ASXL1: variants seen among roughly 807,000 people sequenced by gnomAD.
The protein encoded by ASXL1 is ASXL transcriptional regulator 1.
Under a neutral mutation model 89.1 loss-of-function variants are expected in ASXL1, and 65 were observed. The observed-to-expected ratio is 0.73, with a 90% confidence interval of 0.60 to 0.90. ASXL1 has a LOEUF of 0.90. Among genes scored for constraint, ASXL1 ranks in the 40% least tolerant of loss-of-function variants. The pLI is 0.00. For synonymous variants in ASXL1, 739 were observed against 746.9 expected (o/e 0.99, Z 0.17); for missense variants, 1,786 against 1,942.9 (o/e 0.92, Z 1.52).
At chr20:32,365,813 A>G (rs2048194822) in intron 1 of ASXL1, among the ~76,000 whole-genome samples, 1 of 152,174 alleles carries the variant, frequency 6.6e-6, no homozygotes, top group East Asian at 1.9e-4. Context: ...TAACACCACA[A>G]ATTAACAACA....
intron 4 of ASXL1, among the ~76,000 whole-genome samples, chr20:32,387,837 G>A (rs1436631413): frequency 6.6e-6 from 1 of 152,022 alleles, no homozygotes; most frequent in African/African-American, 2.4e-5. Context: ...ATCTCTATTC[G>A]GATATCTAAT....
At position 32,432,938 on chromosome 20, in the gene ASXL1, G is replaced by A. The variant is rs2011568243; in HGVS notation, c.1038G>A (p.Lys346=). Residue 346 remains lysine, a synonymous_variant, in exon 11 of 13, where the codon AAG becomes AAA. Coordinates refer to ENST00000375687, the MANE Select transcript of ASXL1 (RefSeq NM_015338.6). ...RIRQEMEKEK[K]VEQWKEKFFE... ...GACAGGAAATGGAGAAGGAAAAGAA[G>A]GTGGAACAATGGAAAGAAAAGTTCT... 2 of 1,613,866 alleles carry A rather than the reference G, an allele frequency of 1.2e-6. No homozygotes were observed. Among genetic ancestry groups the A allele is most frequent in the South Asian group, 1.1e-5 (1 of 91,062 alleles).
At chr20:32,417,238 A>T (rs1326417574) in intron 4 of ASXL1, among the ~76,000 whole-genome samples, 1 of 152,224 alleles carries the variant, frequency 6.6e-6, no homozygotes, top group Non-Finnish European at 1.5e-5. Flanking sequence ...AATTCTAAAT[A>T]AAAACACATC....
At chr20:32,386,879 C>G (rs1337445852) in intron 4 of ASXL1, among the ~76,000 whole-genome samples, 1 of 151,164 alleles carries the variant, frequency 6.6e-6, no homozygotes, top group Non-Finnish European at 1.5e-5. Context: ...TTTTCTCGCC[C>G]TTTGTGCTAT....
chr20:32,426,416 A>T (rs546287370), intron 4 of ASXL1, among the ~76,000 whole-genome samples: 6 of 152,126 alleles, frequency 3.9e-5, no homozygotes, highest in Non-Finnish European at 8.8e-5. Context: ...GAGAGATTAA[A>T]TTTGTTTTAT....
intron 4 of ASXL1, among the ~76,000 whole-genome samples, chr20:32,424,880 CCCT>C (rs2011228724): frequency 6.6e-6 from 1 of 152,154 alleles, no homozygotes; most frequent in Non-Finnish European, 1.5e-5. Flanking sequence ...AAAGTGAACA[CCCT>C]GTAACTGCCA....
chr20:32,381,671 C>T (rs921646725), intron 4 of ASXL1, among the ~76,000 whole-genome samples: 2 of 151,664 alleles, frequency 1.3e-5, no homozygotes, highest in South Asian at 2.1e-4. Flanking sequence ...CCTGCTACCA[C>T]GCCCGGCTAA....
intron 4 of ASXL1, among the ~76,000 whole-genome samples, chr20:32,381,513 CTTT>C (rs59213941): frequency 6.1e-5 from 8 of 131,392 alleles, no homozygotes; most frequent in African/African-American, 8.7e-5. Context: ...TTACCAAAAT[CTTT>C]TTTTTTTTTT....
Position 32,358,933 on chromosome 20 carries a change from C to T in ASXL1, c.57+101C>T, listed in dbSNP as rs1353880944. On this transcript the variant is annotated intron_variant, in intron 1 of 12. Coordinates refer to ENST00000375687, the MANE Select transcript of ASXL1 (RefSeq NM_015338.6). ...GGGAGGGGCAAGGCCCTGCCCACCG[C>T]GGGAGGGGGCGGGGCCATCTTCCTT... The T allele has an allele frequency of 6.4e-5, 76 of 1,191,674 alleles. No individual in the cohort carries two copies. The South Asian group carries it at 1.2e-3, about 19-fold the overall frequency. 73.8% of individuals were successfully genotyped at this position (1,191,674 alleles called of 1,614,324 possible).
chr20:32,404,748 C>T (rs1471975472), intron 4 of ASXL1, among the ~76,000 whole-genome samples: 1 of 152,110 alleles, frequency 6.6e-6, no homozygotes, highest in Non-Finnish European at 1.5e-5. Context: ...AGTCTTTCAC[C>T]ACTAGTATGA....
intron 4 of ASXL1, among the ~76,000 whole-genome samples, chr20:32,418,969 AT>A (rs1162229916): frequency 6.6e-6 from 1 of 151,368 alleles, no homozygotes; most frequent in Non-Finnish European, 1.5e-5. Context: ...AGTAGCTAGG[AT>A]TACAGGTGCA....
chr20:32,429,470 G>T lies in ASXL1; in HGVS notation c.565+39G>T. On this transcript the variant is annotated intron_variant, in intron 7 of 12. Coordinates refer to ENST00000375687, the MANE Select transcript of ASXL1 (RefSeq NM_015338.6). The surrounding 1 kb of genome is among the most constrained non-coding windows in gnomAD (Gnocchi z 4.9). ...CATGGTTGTGATGCTTTTTCCTCAG[G>T]TCCTGGGGACCTGGCCTCCCTCTGT... is the stretch of plus-strand genomic sequence containing the variant. 1 of 1,598,486 alleles carries T rather than the reference G, an allele frequency of 6.3e-7. No homozygotes were observed. Among genetic ancestry groups the T allele is most frequent in the Non-Finnish European group, 8.6e-7 (1 of 1,166,006 alleles).
chr20:32,367,905 C>T (rs1276695340), intron 3 of ASXL1, among the ~76,000 whole-genome samples, 176 bp downstream of exon 3: 1 of 152,162 alleles, frequency 6.6e-6, no homozygotes, highest in South Asian at 2.1e-4. Flanking sequence ...GCATGCTGTT[C>T]CCCTTGTAGC....
In ASXL1 at chr20:32,434,593, G is replaced by A. The variant is rs778715090; in HGVS notation, c.1881G>A (p.Ala627=). ...IKARALQVRG[A]RGHHCHREAA... is the part of the protein sequence containing the mutation. Reference sequence around the variant, plus strand: ...CCCGTGCTCTGCAGGTCCGAGGGGCGAGAGGTCACCACTGCCATAGAGAGG... The same window carrying A: ...CCCGTGCTCTGCAGGTCCGAGGGGCAAGAGGTCACCACTGCCATAGAGAGG... Residue 627 remains alanine (A), a synonymous_variant, in exon 13 of 13, where the codon GCG becomes GCA. Coordinates refer to ENST00000375687, the MANE Select transcript of ASXL1 (RefSeq NM_015338.6). 8 of 1,613,004 alleles carry A rather than the reference G, an allele frequency of 5.0e-6. No individual in the cohort carries two copies. In the East Asian group the frequency reaches 1.1e-4, roughly 22 times the overall value.
intron 4 of ASXL1, among the ~76,000 whole-genome samples, chr20:32,390,561 C>T (rs369077545): frequency 6.6e-6 from 1 of 152,094 alleles, no homozygotes; most frequent in Non-Finnish European, 1.5e-5. Flanking sequence ...CAGCCTCAAA[C>T]TCCTGGCCTT....
intron 4 of ASXL1, among the ~76,000 whole-genome samples, chr20:32,417,775 G>A (rs2049163361): frequency 6.6e-6 from 1 of 152,014 alleles, no homozygotes; most frequent in East Asian, 1.9e-4. Context: ...GCCAGGTGTG[G>A]TGGCTCACAC....
chr20:32,436,841 C>T lies in ASXL1; in HGVS notation c.4129C>T (p.Pro1377Ser). 6.2e-7 allele frequency: 1 copy of T among 1,614,162 alleles called. No individual in the cohort carries two copies. ...VKNEKTFVGGPLKANAENRKA... is the reference protein window; with the variant it reads ...VKNEKTFVGGSLKANAENRKA... ...GAATGAGAAGACTTTTGTGGGGGGT[C>T]CTCTTAAGGCAAATGCCGAGAACAG... Residue 1377 changes from proline (P) to serine (S), a missense_variant, in exon 13 of 13, where the codon CCT (proline) becomes TCT (serine). Physicochemically the swap from Pro to Ser is moderately conservative, Grantham distance 74. Transcript: ENST00000375687.
intron 4 of ASXL1, among the ~76,000 whole-genome samples, chr20:32,400,974 T>G (rs534203227): frequency 6.6e-6 from 1 of 152,358 alleles, no homozygotes; most frequent in South Asian, 2.1e-4. Context: ...CTGTTGTGCT[T>G]GAAAAGTTTT....
rs560170731 is a variant in ASXL1, at chr20:32,435,764, A to T, written c.3052A>T (p.Thr1018Ser). 1 of 1,614,242 alleles carries T rather than the reference A, an allele frequency of 6.2e-7. No homozygotes were observed. Among genetic ancestry groups the T allele is most frequent in the Non-Finnish European group, 8.5e-7 (1 of 1,180,042 alleles). ...CACGGAGGACAGCAGTGAGGCTGAC[A>T]CTAGAGAAGCTGCAGTGACAAAGGG... ...HLTEDSSEAD[T>S]REAAVTKGSS... Residue 1018 changes from threonine to serine, a missense_variant, in exon 13 of 13, where the codon ACT (threonine) becomes TCT (serine). Thr to Ser is a moderately conservative substitution (Grantham distance 58). This residue lies in a region of ASXL1 where 1,418 missense variants were observed against 1,427.8 expected (regional missense o/e 0.99). Coordinates refer to ENST00000375687, the MANE Select transcript of ASXL1 (RefSeq NM_015338.6).
Sources: allele counts gnomAD v4.1 joint callset (sites outside exome capture counted in the v4.1 genomes callset), GRCh38; gene constraint gnomAD v4.1.1; regional missense constraint gnomAD v4.1.1; non-coding constraint Gnocchi (gnomAD v3.1); transcripts MANE v1.5; gene names NCBI Gene and HGNC (gene_info 2026-07-23, HGNC 2026-07-21).